RAP1GAP2: variants seen among roughly 807,000 people sequenced by gnomAD.
RAP1GAP2 encodes rap1 GTPase-activating protein 2.
A neutral mutation model predicts 95.0 loss-of-function variants in RAP1GAP2; 27 were observed. The ratio of observed to expected loss-of-function variants is 0.28; its 90% CI spans 0.21 to 0.39. The LOEUF is 0.39. RAP1GAP2 is among the 10% of genes least tolerant of loss of function. The probability of loss-of-function intolerance (pLI) is 1.00; values close to 1 mark genes in which losing one functional copy is unlikely to be tolerated. For missense variants in RAP1GAP2, 771 were observed against 970.0 expected (o/e 0.79, Z 2.72); for synonymous variants, 373 against 380.9 (o/e 0.98, Z 0.24).
intron 2 of RAP1GAP2, among the ~76,000 whole-genome samples, chr17:2,869,258 A>T (rs73312009): frequency 0.029 from 4,444 of 152,222 alleles, 209 homozygotes; most frequent in African/African-American, 0.1. Context: ...GAATAGGCAA[A>T]TTCCTAGGGG....
At chr17:2,924,330 A>T (rs1169644413) in intron 3 of RAP1GAP2, among the ~76,000 whole-genome samples, 1 of 152,190 alleles carries the variant, frequency 6.6e-6, no homozygotes, top group Non-Finnish European at 1.5e-5. Flanking sequence ...CGTGGGAATC[A>T]AGCAGAGCCC....
chr17:2,956,922 T>A (rs537831714), intron 3 of RAP1GAP2, among the ~76,000 whole-genome samples: 115 of 151,878 alleles, frequency 7.6e-4, no homozygotes, highest in Non-Finnish European at 1.4e-3. Flanking sequence ...AGGTCAGGAG[T>A]TCGAGACCAT....
At chr17:2,908,223 A>G (rs532207573) in intron 3 of RAP1GAP2, among the ~76,000 whole-genome samples, 4 of 152,176 alleles carry the variant, frequency 2.6e-5, no homozygotes, top group Non-Finnish European at 5.9e-5. Flanking sequence ...GGCGACAGCA[A>G]GAGGAACCGG....
intron 2 of RAP1GAP2, among the ~76,000 whole-genome samples, chr17:2,771,763 T>C (rs1420605856): frequency 6.6e-6 from 1 of 152,172 alleles, no homozygotes; most frequent in Non-Finnish European, 1.5e-5. Flanking sequence ...GTGCTGGGAT[T>C]ACAAGCGTGA....
chr17:3,006,120 CTTTTTTT>C (rs537126167), intron 16 of RAP1GAP2, 79 bp downstream of exon 16: 43 of 409,868 alleles, frequency 1.0e-4, no homozygotes, highest in East Asian at 3.3e-4. Context: ...GCTCCTCCAT[CTTTTTTT>C]TTTTTTTTTT....
chr17:2,794,329 G>A (rs1205694235), upstream of RAP1GAP2, among the ~76,000 whole-genome samples: 1 of 152,146 alleles, frequency 6.6e-6, no homozygotes, highest in Non-Finnish European at 1.5e-5. Flanking sequence ...TGACCCTGGA[G>A]GTGGATTGAG....
intron 10 of RAP1GAP2, among the ~76,000 whole-genome samples, chr17:2,984,402 C>A (rs1014317901): frequency 1.3e-5 from 2 of 152,134 alleles, no homozygotes; most frequent in Admixed American, 6.6e-5. Flanking sequence ...TTTCTGATCC[C>A]AGTCATCAAC....
At chr17:3,006,378 G>T (rs1270297841) in intron 16 of RAP1GAP2, among the ~76,000 whole-genome samples, 1 of 149,358 alleles carries the variant, frequency 6.7e-6, no homozygotes, top group Non-Finnish European at 1.5e-5. Flanking sequence ...GATCCGCCTG[G>T]CCCAGCCTCC....
At chr17:2,865,821 TC>T (rs1432547319) in intron 2 of RAP1GAP2, among the ~76,000 whole-genome samples, 3 of 151,958 alleles carry the variant, frequency 2.0e-5, no homozygotes, top group Non-Finnish European at 4.4e-5. Flanking sequence ...CCAGCCCCCT[TC>T]TAGAAAGGGC....
intron 2 of RAP1GAP2, among the ~76,000 whole-genome samples, chr17:2,833,685 G>A (rs1459361441): frequency 3.7e-5 from 4 of 109,480 alleles, no homozygotes; most frequent in Non-Finnish European, 3.5e-5. Flanking sequence ...GCGAGACTCC[G>A]TCTCAAAAAA....
intron 1 of RAP1GAP2, among the ~76,000 whole-genome samples, chr17:2,766,168 C>T (rs910594678): frequency 6.6e-6 from 1 of 152,134 alleles, no homozygotes; most frequent in African/African-American, 2.4e-5. Flanking sequence ...CTTTTAGATC[C>T]GGGACACTGT....
At chr17:2,860,805 C>G (rs1024437928) in intron 2 of RAP1GAP2, among the ~76,000 whole-genome samples, 2 of 151,814 alleles carry the variant, frequency 1.3e-5, no homozygotes, top group Admixed American at 1.3e-4. Flanking sequence ...GGGGTTTCAC[C>G]ATGTTGGCCA....
In RAP1GAP2 at chr17:3,034,406, G is replaced by C. The variant is rs143842515; in HGVS notation, c.*1045G>C. The C allele has an allele frequency of 3.8e-3, 903 of 235,372 alleles. 6 individuals carry two copies. Among genetic ancestry groups the C allele is most frequent in the African/African-American group, 0.016 (656 of 42,262 alleles). The allele number at this position is 235,372 out of a possible 1,614,324, so 14.6% of individuals were successfully genotyped here. ...CCACTTACTCGAGGAGAGAGGTGAG[G>C]GGGGGATGACTTGCGGGTTCTGATC... On this transcript the variant is annotated 3_prime_UTR_variant, in exon 25 of 25. Transcript: ENST00000254695. This position sits in a 1 kb window ranked among gnomAD's most constrained non-coding sequence, Gnocchi z 5.1.
Position 2,797,755 on chromosome 17 carries a change from C to A in RAP1GAP2, c.44+1184C>A, listed in dbSNP as rs1332309742. On this transcript the variant is annotated intron_variant, in intron 1 of 24. Coordinates refer to ENST00000254695, the MANE Select transcript of RAP1GAP2 (RefSeq NM_015085.5). The surrounding 1 kb of genome is among the most constrained non-coding windows in gnomAD (Gnocchi z 5.6). Reference sequence around the variant, plus strand: ...GTCTGCTCTCGGGCCCTCCCTGACGCCTGGATCTGGGAGCTGCCACCCCGA... The same window carrying A: ...GTCTGCTCTCGGGCCCTCCCTGACGACTGGATCTGGGAGCTGCCACCCCGA... The A allele has an allele frequency of 9.1e-6, 9 of 985,226 alleles. No individual in the cohort carries two copies. Among genetic ancestry groups the A allele is most frequent in the Non-Finnish European group, 9.6e-6 (8 of 829,930 alleles). The allele number at this position is 985,226 out of a possible 1,614,324, so 61.0% of individuals were successfully genotyped here. A position where few individuals can be genotyped will look rare whatever the true frequency, so the allele number is the denominator to read the frequency against.
At chr17:2,998,516 T>C (rs1030765214) in intron 14 of RAP1GAP2, 140 bp downstream of exon 14, 44 of 1,111,632 alleles carry the variant, frequency 4.0e-5, no homozygotes, top group Non-Finnish European at 5.3e-5. Context: ...TGGAGCTAGA[T>C]TCTGGGTAGG....
In RAP1GAP2 at chr17:2,903,281, C is replaced by T. The variant is rs989281244; in HGVS notation, c.81-2003C>T. On this transcript the variant is annotated intron_variant, in intron 2 of 24. Transcript: ENST00000254695. The surrounding 1 kb of genome is among the most constrained non-coding windows in gnomAD (Gnocchi z 4.1). ...CATCATGGCTCTTAAAGGCCAGGCC[C>T]ATTGAGGAGGAGCTGTGGCTGCTTG... Among the ~76,000 whole-genome samples, 6 of 152,126 alleles carry T rather than the reference C, an allele frequency of 3.9e-5. No individual in the cohort carries two copies. The highest frequency in any genetic ancestry group is 1.3e-4 in the Admixed American group (2 of 15,272).
At chr17:2,915,018 C>T (rs190598275) in intron 3 of RAP1GAP2, among the ~76,000 whole-genome samples, 2 of 151,648 alleles carry the variant, frequency 1.3e-5, no homozygotes, top group African/African-American at 2.4e-5. Flanking sequence ...TCTTGAACTC[C>T]TGACCTCGTG....
intron 2 of RAP1GAP2, among the ~76,000 whole-genome samples, chr17:2,801,597 ATGTGTGTGTGTGTG>A (rs71150898): frequency 4.3e-4 from 52 of 121,952 alleles, no homozygotes; most frequent in African/African-American, 1.5e-3. Context: ...ACTCCAGGGT[ATGTGTGTGTGTGTG>A]TGTGTGTGTG....
At chr17:2,941,184 T>C (rs1379957850) in intron 3 of RAP1GAP2, among the ~76,000 whole-genome samples, 1 of 152,116 alleles carries the variant, frequency 6.6e-6, no homozygotes, top group African/African-American at 2.4e-5. Flanking sequence ...GGTGGATCAC[T>C]TGAGGTCAGG....
Sources: allele counts gnomAD v4.1 joint callset (sites outside exome capture counted in the v4.1 genomes callset), GRCh38; gene constraint gnomAD v4.1.1; non-coding constraint Gnocchi (gnomAD v3.1); transcripts MANE v1.5; gene names NCBI Gene and HGNC (gene_info 2026-07-23, HGNC 2026-07-21).